TOX: variants seen among roughly 807,000 people sequenced by gnomAD.
TOX encodes the protein thymocyte selection-associated high mobility group box protein TOX.
In TOX, 11 loss-of-function variants were observed where a neutral mutation model predicts 53.7. The observed-to-expected ratio is 0.20, with a 90% CI of 0.13 to 0.34. The LOEUF (loss-of-function observed/expected upper bound fraction) is 0.34, where lower values mean the gene tolerates loss of function less well. Among genes scored for constraint, TOX ranks in the 10% least tolerant of loss-of-function variants. The probability of loss-of-function intolerance (pLI) is 1.00; values close to 1 mark genes in which losing one functional copy is unlikely to be tolerated. For missense variants in TOX, 570 were observed against 664.6 expected (o/e 0.86, Z 1.56); for synonymous variants, 225 against 245.3 (o/e 0.92, Z 0.77).
intron 3 of TOX, among the ~76,000 whole-genome samples, chr8:58,896,798 C>T (rs1373612791): frequency 1.3e-5 from 2 of 152,212 alleles, no homozygotes; most frequent in African/African-American, 4.8e-5. Context: ...TCCTATTACC[C>T]TGCATGGGCC....
chr8:58,896,660 C>A (rs117369133), intron 3 of TOX, among the ~76,000 whole-genome samples: 3 of 147,560 alleles, frequency 2.0e-5, no homozygotes, highest in South Asian at 2.2e-4. Flanking sequence ...GGTGACAGAG[C>A]GAGAATCCAT....
At chr8:58,816,864 C>T (rs533855905) in intron 6 of TOX, among the ~76,000 whole-genome samples, 4 of 152,264 alleles carry the variant, frequency 2.6e-5, no homozygotes, top group East Asian at 1.9e-4. Flanking sequence ...TCATCATGCA[C>T]GACAGCGTGA....
chr8:58,868,460 A>G (rs1811139399), intron 3 of TOX, among the ~76,000 whole-genome samples: 1 of 152,208 alleles, frequency 6.6e-6, no homozygotes, highest in South Asian at 2.1e-4. Context: ...AAGAGAGAAT[A>G]AGAAATAGAG....
chr8:59,110,381 G>A (rs1260802941), intron 1 of TOX, among the ~76,000 whole-genome samples: 1 of 144,588 alleles, frequency 6.9e-6, no homozygotes, highest in Non-Finnish European at 1.5e-5. Context: ...GGAAGCATCG[G>A]TGTTTTTCAA....
chr8:58,878,882 G>A (rs1487136816), intron 3 of TOX, among the ~76,000 whole-genome samples: 2 of 151,870 alleles, frequency 1.3e-5, no homozygotes, highest in Non-Finnish European at 2.9e-5. Flanking sequence ...CCAACATGGT[G>A]AAACCCCATC....
chr8:58,841,384 C>A (rs930737315), intron 4 of TOX, among the ~76,000 whole-genome samples: 3 of 152,014 alleles, frequency 2.0e-5, no homozygotes, highest in Non-Finnish European at 4.4e-5. Flanking sequence ...AAATGCTTAA[C>A]GTTTGTTATA....
At chr8:59,067,541 G>A (rs1183088375) in intron 1 of TOX, among the ~76,000 whole-genome samples, 2 of 152,044 alleles carry the variant, frequency 1.3e-5, no homozygotes, top group African/African-American at 2.4e-5. Flanking sequence ...GAGACAGAGT[G>A]AGACTCTGTC....
intron 2 of TOX, among the ~76,000 whole-genome samples, chr8:58,942,200 C>T (rs748106134): frequency 6.6e-6 from 1 of 152,074 alleles, no homozygotes; most frequent in Non-Finnish European, 1.5e-5. Flanking sequence ...CTATAGTAGA[C>T]CACCACTTTA....
chr8:59,047,247 C>T (rs374303427), intron 1 of TOX, among the ~76,000 whole-genome samples: 2,819 of 118,278 alleles, frequency 0.024, 67 homozygotes, highest in South Asian at 0.099. Flanking sequence ...GACGGAGTCT[C>T]GCTCTGTCGC....
intron 1 of TOX, among the ~76,000 whole-genome samples, chr8:59,058,957 T>A (rs1160821044): frequency 1.3e-5 from 2 of 152,260 alleles, no homozygotes; most frequent in Admixed American, 6.5e-5. Flanking sequence ...CACACCCTGA[T>A]GGCCAACTTC....
intron 1 of TOX, among the ~76,000 whole-genome samples, chr8:59,068,743 C>T (rs1804140503): frequency 1.3e-5 from 2 of 152,182 alleles, no homozygotes; most frequent in Admixed American, 6.5e-5. Context: ...TCTGGCCACG[C>T]TCCAGGCAGG....
At chr8:59,060,608 C>G (rs767822831) in intron 1 of TOX, among the ~76,000 whole-genome samples, 2 of 152,176 alleles carry the variant, frequency 1.3e-5, no homozygotes, top group Non-Finnish European at 2.9e-5. Context: ...GCCTGGGTGA[C>G]AGAGCGAGAC....
intron 1 of TOX, among the ~76,000 whole-genome samples, chr8:59,050,307 G>A (rs1345329286): frequency 6.6e-6 from 1 of 152,080 alleles, no homozygotes; most frequent in Non-Finnish European, 1.5e-5. Flanking sequence ...TCCAAGCAAA[G>A]TTTTATTCTC....
Position 59,027,256 on chromosome 8 carries a change from A to G in TOX, c.103-67248T>C, listed in dbSNP as rs181823616. 4.6e-5 allele frequency among the ~76,000 whole-genome samples: 7 copies of G among 152,332 alleles called. No homozygotes were observed. The East Asian group carries it at 1.4e-3, about 29-fold the overall frequency. On this transcript the variant is annotated intron_variant, in intron 1 of 8. Coordinates refer to ENST00000361421, the MANE Select transcript of TOX (RefSeq NM_014729.3). ...AGAAGGTTCCAAATTTTATAAAAGC[A>G]TATAACATCTCCAGCAGGCAGAAAT... is the stretch of plus-strand genomic sequence containing the variant.
At chr8:58,936,529 C>T (rs1812347791) in intron 3 of TOX, among the ~76,000 whole-genome samples, 1 of 152,144 alleles carries the variant, frequency 6.6e-6, no homozygotes, top group South Asian at 2.1e-4. Flanking sequence ...GGTAAGCATT[C>T]AAAATATATA....
chr8:58,939,581 C>A (rs1812400562), intron 2 of TOX, 37 bp from the exon 3 acceptor site: 1 of 1,575,496 alleles, frequency 6.3e-7, no homozygotes, highest in South Asian at 1.2e-5. Context: ...TGCAAATTAT[C>A]ATCTTCTTGC....
Position 59,099,341 on chromosome 8 carries a change from T to C in TOX, c.102+19545A>G, listed in dbSNP as rs540764867. On this transcript the variant is annotated intron_variant, in intron 1 of 8. Transcript: ENST00000361421. ...TGATATTCCATCTCCATCTTCTTTCTACCATACCAAGCTACAAACAGGACC... is the reference window on the plus strand; with the variant it reads ...TGATATTCCATCTCCATCTTCTTTCCACCATACCAAGCTACAAACAGGACC... Among the ~76,000 whole-genome samples, 43 of 152,304 alleles carry C rather than the reference T, an allele frequency of 2.8e-4. No individual in the cohort carries two copies. The South Asian group carries it at 8.5e-3, about 30-fold the overall frequency.
chr8:58,923,955 A>G (rs960919241), intron 3 of TOX, among the ~76,000 whole-genome samples: 5 of 152,214 alleles, frequency 3.3e-5, no homozygotes, highest in African/African-American at 1.2e-4. Context: ...ATGCAACACA[A>G]AGAGAAGAAC....
At chr8:58,907,925 C>CT (rs1811845696) in intron 3 of TOX, among the ~76,000 whole-genome samples, 1 of 152,102 alleles carries the variant, frequency 6.6e-6, no homozygotes, top group African/African-American at 2.4e-5. Context: ...AAGATCCAAA[C>CT]TTTTTTCCGT....
Sources: gnomAD v4.1 joint callset for allele counts (sites outside exome capture counted in the v4.1 genomes callset) on GRCh38, gnomAD v4.1.1 for gene constraint, MANE v1.5 for transcripts, NCBI Gene and HGNC (gene_info 2026-07-23, HGNC 2026-07-21) for gene names.